Variants in MIPEP observed in about 807,000 individuals in gnomAD.
MIPEP encodes mitochondrial intermediate peptidase.
In MIPEP, 79 loss-of-function variants were observed where a neutral mutation model predicts 90.3. The observed-to-expected ratio is 0.87, with a 90% confidence interval of 0.73 to 1.05. MIPEP has a LOEUF of 1.05. Among genes scored for constraint, MIPEP ranks in the 50% least tolerant of loss-of-function variants. The pLI, the probability that MIPEP is intolerant of heterozygous loss-of-function variation, is 0.00. For synonymous variants in MIPEP, 334 were observed against 315.8 expected (o/e 1.06, Z -0.61); for missense variants, 940 against 905.6 (o/e 1.04, Z -0.49).
intron 16 of MIPEP, among the ~76,000 whole-genome samples, chr13:23,762,002 G>A (rs994047477): frequency 2.0e-5 from 3 of 152,158 alleles, no homozygotes; most frequent in African/African-American, 7.2e-5. Context: ...GCACAAGTCT[G>A]TAATCTCAGC....
intron 3 of MIPEP, among the ~76,000 whole-genome samples, chr13:23,880,185 G>A (rs1871219726): frequency 6.6e-6 from 1 of 152,082 alleles, no homozygotes; most frequent in African/African-American, 2.4e-5. Flanking sequence ...TGAATCGAAG[G>A]GTTTCTGCTA....
intron 18 of MIPEP, among the ~76,000 whole-genome samples, chr13:23,731,312 T>C (rs142858223): frequency 5.1e-4 from 78 of 152,334 alleles, no homozygotes; most frequent in Non-Finnish European, 8.7e-4. Context: ...TGAACCTGTA[T>C]TGCAATTCAG....
chr13:23,860,857 G>A (rs139620563), intron 9 of MIPEP, among the ~76,000 whole-genome samples: 142,916 of 152,134 alleles, frequency 0.94, 67,160 homozygotes, highest in East Asian at 1. Context: ...TGGGATCATA[G>A]CCCAGGCTAT....
intron 18 of MIPEP, among the ~76,000 whole-genome samples, chr13:23,745,862 A>G (rs1188750190): frequency 6.6e-6 from 1 of 151,114 alleles, no homozygotes; most frequent in Non-Finnish European, 1.5e-5. Context: ...CCTGGGTGGC[A>G]GAGTTTGCAG....
At chr13:23,783,898 T>C (rs1952808674) in intron 16 of MIPEP, among the ~76,000 whole-genome samples, 1 of 152,128 alleles carries the variant, frequency 6.6e-6, no homozygotes, top group Non-Finnish European at 1.5e-5. Flanking sequence ...TTACAAAGGA[T>C]GTGAAGGACC....
At chr13:23,881,913 T>C (rs369848010) in intron 2 of MIPEP, 126 bp from the exon 3 acceptor site, 17 of 671,668 alleles carry the variant, frequency 2.5e-5, no homozygotes, top group South Asian at 1.3e-4. Context: ...TTTCCATTAC[T>C]GACTTTTTCC....
In MIPEP at chr13:23,862,337, G is replaced by A; in HGVS notation, c.1018C>T (p.Arg340Ter). 2.5e-6 allele frequency: 4 copies of A among 1,583,210 alleles called. No individual in the cohort carries two copies. Among genetic ancestry groups the A allele is most frequent in the Non-Finnish European group, 3.5e-6 (4 of 1,158,578 alleles). ...GGATTCAGTTTCATTTTCATCCCTCGTATCATCTCAAAATCTTTCAGAGTT... is the reference window on the plus strand; with the variant it reads ...GGATTCAGTTTCATTTTCATCCCTCATATCATCTCAAAATCTTTCAGAGTT... ...ERTLKDFEMI[R>*]GMKMKLNPQN... The change falls in exon 9 of 19, where the codon CGA becomes TGA. Residue 340 changes from arginine to a stop codon, truncating the protein, a stop_gained. Coordinates refer to ENST00000382172, the MANE Select transcript of MIPEP (RefSeq NM_005932.4). LOFTEE classifies it high-confidence loss of function.
chr13:23,837,426 T>C, intron 13 of MIPEP, 126 bp downstream of exon 13: 1 of 713,552 alleles, frequency 1.4e-6, no homozygotes, highest in Non-Finnish European at 2.4e-6. Context: ...TGAGGCAATC[T>C]GAGATAAAGA....
chr13:23,863,390 T>G (rs1274578486), intron 8 of MIPEP, among the ~76,000 whole-genome samples: 17 of 152,302 alleles, frequency 1.1e-4, no homozygotes, highest in African/African-American at 7.2e-5. Context: ...AGCACTGACA[T>G]GATGGTACAA....
intron 16 of MIPEP, among the ~76,000 whole-genome samples, chr13:23,796,061 A>G (rs898547586): frequency 6.6e-6 from 1 of 152,108 alleles, no homozygotes; most frequent in Non-Finnish European, 1.5e-5. Context: ...TATATTATAT[A>G]TATATGTGTG....
At chr13:23,832,436 A>G (rs1283556314) in intron 14 of MIPEP, among the ~76,000 whole-genome samples, 1 of 152,178 alleles carries the variant, frequency 6.6e-6, no homozygotes, top group African/African-American at 2.4e-5. Context: ...ATAGCTATTA[A>G]ATATAAATAG....
intron 14 of MIPEP, among the ~76,000 whole-genome samples, chr13:23,831,386 G>GGGGGAGC (rs1868748814): frequency 1.4e-5 from 1 of 69,416 alleles, no homozygotes; most frequent in African/African-American, 5.1e-5. Context: ...CCCATGGCGG[G>GGGGGAGC]GGGGGGATGT....
chr13:23,825,075 T>G (rs945868095), intron 14 of MIPEP, among the ~76,000 whole-genome samples: 3 of 152,240 alleles, frequency 2.0e-5, no homozygotes, highest in Non-Finnish European at 4.4e-5. Flanking sequence ...TAAATTTTAA[T>G]TTTGACATAT....
At chr13:23,742,975 C>T (rs546991218) in intron 18 of MIPEP, among the ~76,000 whole-genome samples, 49 of 152,198 alleles carry the variant, frequency 3.2e-4, no homozygotes, top group African/African-American at 1.1e-3. Context: ...GTATATTTTA[C>T]CACAATTTTA....
At chr13:23,782,505 A>G (rs1405991467) in intron 16 of MIPEP, among the ~76,000 whole-genome samples, 2 of 152,234 alleles carry the variant, frequency 1.3e-5, no homozygotes, top group African/African-American at 4.8e-5. Context: ...AGAAAGCAGG[A>G]AAGATCTAAA....
At chr13:23,785,625 A>T (rs12100375) in intron 16 of MIPEP, among the ~76,000 whole-genome samples, 2,721 of 38,348 alleles carry the variant, frequency 0.071, 80 homozygotes, top group African/African-American at 0.13. Context: ...AAAGTATAAT[A>T]AAAAAAAAAA....
intron 16 of MIPEP, among the ~76,000 whole-genome samples, chr13:23,771,922 AG>A (rs1418330992): frequency 6.6e-6 from 1 of 152,144 alleles, no homozygotes; most frequent in Non-Finnish European, 1.5e-5. Context: ...ACATTGCCTA[AG>A]AGGTAAAAAG....
At chr13:23,869,712 C>T (rs558166781) in intron 6 of MIPEP, among the ~76,000 whole-genome samples, 3 of 152,246 alleles carry the variant, frequency 2.0e-5, no homozygotes, top group Admixed American at 1.3e-4. Flanking sequence ...TGCTATAAAG[C>T]GTCTTAACCA....
intron 16 of MIPEP, among the ~76,000 whole-genome samples, chr13:23,802,664 T>C (rs1250033312): frequency 6.7e-6 from 1 of 149,506 alleles, no homozygotes; most frequent in South Asian, 2.1e-4. Context: ...TGGCTTTCCA[T>C]TGTATCTAGA....
Sources: allele counts gnomAD v4.1 joint callset (sites outside exome capture counted in the v4.1 genomes callset), GRCh38; gene constraint gnomAD v4.1.1; transcripts MANE v1.5; gene names NCBI Gene and HGNC (gene_info 2026-07-23, HGNC 2026-07-21).